The following SLC30A8 variants were observed in gnomAD, a reference collection of about 807,000 sequenced individuals.
SLC30A8 encodes solute carrier family 30 member 8.
In SLC30A8, 27 loss-of-function variants were observed where a neutral mutation model predicts 36.9. The ratio of observed to expected loss-of-function variants is 0.73; its 90% CI spans 0.54 to 1.01. SLC30A8 has a LOEUF of 1.01. SLC30A8 is among the 50% of genes least tolerant of loss of function. The pLI, the probability that SLC30A8 is intolerant of heterozygous loss-of-function variation, is 0.00. For synonymous variants in SLC30A8, 164 were observed against 172.4 expected (o/e 0.95, Z 0.38); for missense variants, 439 against 452.0 (o/e 0.97, Z 0.26).
intron 1 of SLC30A8, among the ~76,000 whole-genome samples, chr8:116,991,603 C>T (rs1371619363): frequency 6.6e-6 from 1 of 152,120 alleles, no homozygotes; most frequent in Non-Finnish European, 1.5e-5. Flanking sequence ...CATGCTCAGC[C>T]TATGTTCTTT....
chr8:117,166,433 C>A (rs568267947), intron 6 of SLC30A8, among the ~76,000 whole-genome samples: 1 of 152,098 alleles, frequency 6.6e-6, no homozygotes, highest in Admixed American at 6.6e-5. Flanking sequence ...GCCTAAAACC[C>A]TTATTAGACT....
At chr8:117,045,384 A>T (rs59257585) in intron 2 of SLC30A8, among the ~76,000 whole-genome samples, 6 of 151,962 alleles carry the variant, frequency 3.9e-5, no homozygotes, top group South Asian at 2.1e-4. Context: ...ACCTTTTTTT[A>T]AAAAAAGCAG....
rs1222728796 is a variant in SLC30A8 at position 117,052,000 on chromosome 8, G to A, written c.-226+12742G>A. Among the ~76,000 whole-genome samples, 2 of 151,904 alleles carry A rather than the reference G, an allele frequency of 1.3e-5. 1 individual carries two copies. Among genetic ancestry groups the A allele is most frequent in the African/African-American group, 4.8e-5 (2 of 41,338 alleles). On this transcript the variant is annotated intron_variant, in intron 2 of 10. Transcript: ENST00000427715. ...GTGTACAGCCTGCAGAGGCAAATAA[G>A]CCTCTTTTATTTTATTTTTTATTTT...
intron 1 of SLC30A8, among the ~76,000 whole-genome samples, chr8:116,957,947 T>C (rs1814274239): frequency 6.6e-6 from 1 of 152,288 alleles, no homozygotes; most frequent in South Asian, 2.1e-4. Flanking sequence ...CCCTGTGTCC[T>C]CCCACCACTG....
intron 1 of SLC30A8, among the ~76,000 whole-genome samples, chr8:117,011,055 C>T (rs1465014954): frequency 1.3e-5 from 2 of 152,192 alleles, no homozygotes. Context: ...ACAGTTTCTT[C>T]AAATTCTATT....
chr8:117,036,579 G>A (rs892101848), intron 1 of SLC30A8, among the ~76,000 whole-genome samples: 3 of 152,178 alleles, frequency 2.0e-5, no homozygotes, highest in African/African-American at 7.2e-5. Context: ...CATGGCGGAA[G>A]GGGAAGCAGG....
chr8:117,008,442 G>T (rs1221038874), intron 1 of SLC30A8, among the ~76,000 whole-genome samples: 1 of 152,182 alleles, frequency 6.6e-6, no homozygotes, highest in East Asian at 1.9e-4. Context: ...GACCTACTCA[G>T]GTTTAAGTGC....
intron 1 of SLC30A8, among the ~76,000 whole-genome samples, chr8:117,002,599 G>A (rs1264762479): frequency 6.6e-6 from 1 of 151,754 alleles, no homozygotes; most frequent in Non-Finnish European, 1.5e-5. Flanking sequence ...TTTTTTGTTT[G>A]TTTTGTTTTT....
chr8:116,959,042 G>T (rs1250719327), intron 1 of SLC30A8, among the ~76,000 whole-genome samples: 2 of 151,454 alleles, frequency 1.3e-5, no homozygotes, highest in East Asian at 3.9e-4. Flanking sequence ...GTAGAGACTG[G>T]GTTTCACCGT....
chr8:116,962,516 C>G (rs1400790409), intron 1 of SLC30A8, among the ~76,000 whole-genome samples: 2 of 152,010 alleles, frequency 1.3e-5, no homozygotes, highest in Admixed American at 1.3e-4. Context: ...CTGATGCTCA[C>G]TCTAGTCATG....
At chr8:117,009,831 C>T (rs1241096636) in intron 1 of SLC30A8, among the ~76,000 whole-genome samples, 1 of 152,150 alleles carries the variant, frequency 6.6e-6, no homozygotes, top group African/African-American at 2.4e-5. Context: ...TAAAATTATG[C>T]AGGTTTTCTG....
At position 117,163,420 on chromosome 8, in the gene SLC30A8, T is replaced by G. The variant is rs1414706467; in HGVS notation, c.724-5T>G. ...GTTAACCAAAATCCCTGTTTTTTTT[T>G]CTAGCCAGAGTATAAAATAGCCGAC... On this transcript the variant is annotated splice_polypyrimidine_tract_variant and splice_region_variant and intron_variant, in intron 5 of 7. Transcript: ENST00000456015. 3.7e-6 allele frequency: 6 copies of G among 1,609,150 alleles called. No individual in the cohort carries two copies. In the Admixed American group the frequency reaches 1.0e-4, roughly 27 times the overall value.
intron 1 of SLC30A8, among the ~76,000 whole-genome samples, chr8:116,956,815 G>A (rs1212555279): frequency 1.3e-5 from 2 of 152,148 alleles, no homozygotes; most frequent in Non-Finnish European, 2.9e-5. Context: ...AAGTAAAAAT[G>A]TTAAAATATA....
chr8:117,146,597 AT>A (rs145211837), intron 1 of SLC30A8, among the ~76,000 whole-genome samples: 11 of 152,158 alleles, frequency 7.2e-5, no homozygotes, highest in African/African-American at 2.6e-4. Context: ...TTTTATTATT[AT>A]TTTTTTGTAG....
intron 1 of SLC30A8, chr8:117,017,867 T>C (rs1285190008): frequency 6.6e-6 from 1 of 152,210 alleles, no homozygotes; most frequent in Non-Finnish European, 1.5e-5. Context: ...TCTAGACTCG[T>C]CCTGTCCCAT....
At chr8:116,976,480 A>G (rs987001152) in intron 1 of SLC30A8, among the ~76,000 whole-genome samples, 1 of 152,170 alleles carries the variant, frequency 6.6e-6, no homozygotes, top group Non-Finnish European at 1.5e-5. Context: ...ACCCTAGCTG[A>G]CAAAAGCCTG....
intron 2 of SLC30A8, among the ~76,000 whole-genome samples, chr8:117,049,335 G>C (rs192264292): frequency 1.3e-5 from 2 of 152,138 alleles, no homozygotes; most frequent in African/African-American, 2.4e-5. Flanking sequence ...AGATGTATAC[G>C]TAGTTACAGA....
intron 2 of SLC30A8, among the ~76,000 whole-genome samples, chr8:117,041,583 G>T (rs927813698): frequency 6.6e-6 from 1 of 152,204 alleles, no homozygotes; most frequent in East Asian, 1.9e-4. Context: ...TCAGCTACTC[G>T]GGAGGCTGAG....
chr8:117,052,274 G>T (rs13260245), intron 2 of SLC30A8, among the ~76,000 whole-genome samples: 20,166 of 152,216 alleles, frequency 0.13, 1,447 homozygotes, highest in Non-Finnish European at 0.16. Context: ...GCCTCCCAAA[G>T]TGCTGGGATT....
Sources: gnomAD v4.1 joint callset for allele counts (sites outside exome capture counted in the v4.1 genomes callset) on GRCh38, gnomAD v4.1.1 for gene constraint, MANE v1.5 for transcripts, NCBI Gene and HGNC (gene_info 2026-07-23, HGNC 2026-07-21) for gene names.